The following SAMD8 variants were observed in gnomAD, a reference collection of about 807,000 sequenced individuals.
SAMD8 encodes the protein sphingomyelin synthase-related protein 1.
A neutral mutation model predicts 42.0 loss-of-function variants in SAMD8; 20 were observed. The ratio of observed to expected loss-of-function variants is 0.48; its 90% confidence interval spans 0.34 to 0.69. The LOEUF (loss-of-function observed/expected upper bound fraction) is 0.69, where lower values mean the gene tolerates loss of function less well. Among genes scored for constraint, SAMD8 ranks in the 30% least tolerant of loss-of-function variants. The pLI is 0.01. For synonymous variants in SAMD8, 162 were observed against 173.0 expected, an observed-to-expected ratio of 0.94 and a Z score of 0.50; for missense variants, 328 against 511.6, an observed-to-expected ratio of 0.64 and a Z score of 3.46.
rs144573540 is a variant in SAMD8, at chr10:75,167,580, C to T, written c.675-961C>T. On this transcript the variant is annotated intron_variant, in intron 3 of 5. Coordinates refer to ENST00000542569, the MANE Select transcript of SAMD8 (RefSeq NM_001174156.2). The stretch of plus-strand genomic sequence containing the variant: ...CTGGAATCACAGGTGTTTAACTTTA[C>T]CTCCTTTTTTTGTTTTTTATTTTTA... 3.2e-3 allele frequency among the ~76,000 whole-genome samples: 486 copies of T among 152,082 alleles called. 2 individuals are homozygous for T. Among genetic ancestry groups the T allele is most frequent in the Non-Finnish European group, 6.0e-3 (408 of 67,964 alleles).
chr10:75,176,365 T>A lies in SAMD8; in HGVS notation c.944-23T>A. 1.3e-6 allele frequency: 2 copies of A among 1,571,598 alleles called. No homozygotes were observed. Among genetic ancestry groups the A allele is most frequent in the Non-Finnish European group, 1.7e-6 (2 of 1,159,768 alleles). On this transcript the variant is annotated intron_variant, in intron 5 of 5. Coordinates refer to ENST00000542569, the MANE Select transcript of SAMD8 (RefSeq NM_001174156.2). The surrounding 1 kb of genome is among the most constrained non-coding windows in gnomAD (Gnocchi z 4.3). ...CATTGGAAGGAATGTAGCTTTAAAA[T>A]GATCTTTCTGTCCTTTTCCTAGATA...
upstream of SAMD8, among the ~76,000 whole-genome samples, chr10:75,107,060 G>T (rs1214081265): frequency 2.0e-5 from 3 of 152,144 alleles, no homozygotes; most frequent in Non-Finnish European, 4.4e-5. Context: ...TGGGGGCCGG[G>T]TGCGGTGGCT....
intron 2 of SAMD8, among the ~76,000 whole-genome samples, chr10:75,164,101 C>T (rs1238173089): frequency 1.3e-5 from 2 of 152,134 alleles, no homozygotes; most frequent in Admixed American, 6.6e-5. Flanking sequence ...CTTGTAGTCC[C>T]GGCCACTTAG....
At chr10:75,141,617 C>T (rs1564684077) in intron 1 of SAMD8, among the ~76,000 whole-genome samples, 1 of 150,698 alleles carries the variant, frequency 6.6e-6, no homozygotes, top group Non-Finnish European at 1.5e-5. Context: ...TCTCCGCTCA[C>T]TGCAAGCTCC....
At chr10:75,148,061 C>T (rs566947331) in intron 1 of SAMD8, among the ~76,000 whole-genome samples, 84 of 152,196 alleles carry the variant, frequency 5.5e-4, no homozygotes, top group South Asian at 1.0e-3. Flanking sequence ...GACAGGGAAA[C>T]TATGTGGGTC....
At chr10:75,142,867 T>C (rs1406899940) in intron 1 of SAMD8, among the ~76,000 whole-genome samples, 1 of 152,156 alleles carries the variant, frequency 6.6e-6, no homozygotes, top group Non-Finnish European at 1.5e-5. Context: ...AATATCCTTC[T>C]ATCCTGAAGG....
At chr10:75,104,319 C>G (rs1848361887) in intron 1 of SAMD8, among the ~76,000 whole-genome samples, 1 of 152,172 alleles carries the variant, frequency 6.6e-6, no homozygotes, top group African/African-American at 2.4e-5. Flanking sequence ...CCTTATCTTT[C>G]AGAGTACCTG....
At chr10:75,146,590 C>CT (rs980043382) in intron 1 of SAMD8, among the ~76,000 whole-genome samples, 55 of 151,976 alleles carry the variant, frequency 3.6e-4, no homozygotes, top group African/African-American at 1.3e-3. Flanking sequence ...CTGGCTGAAA[C>CT]TTTTTTTTCC....
chr10:75,142,510 C>T (rs1046364669), intron 1 of SAMD8, among the ~76,000 whole-genome samples: 4 of 152,138 alleles, frequency 2.6e-5, no homozygotes, highest in African/African-American at 9.7e-5. Context: ...GATCTTGGCT[C>T]ACTGCAACCT....
intron 1 of SAMD8, among the ~76,000 whole-genome samples, chr10:75,149,691 A>G (rs1840235912): frequency 6.6e-6 from 1 of 152,210 alleles, no homozygotes; most frequent in Non-Finnish European, 1.5e-5. Flanking sequence ...TTCCATGAAC[A>G]TGGAGATTTC....
At chr10:75,116,602 G>T (rs1848886711) in intron 1 of SAMD8, among the ~76,000 whole-genome samples, 1 of 152,120 alleles carries the variant, frequency 6.6e-6, no homozygotes, top group African/African-American at 2.4e-5. Flanking sequence ...GGAAATACTT[G>T]CAAATCTGTT....
chr10:75,125,034 G>A (rs542104765), intron 1 of SAMD8, among the ~76,000 whole-genome samples: 4 of 151,988 alleles, frequency 2.6e-5, no homozygotes, highest in East Asian at 3.9e-4. Context: ...TGATCCTCCC[G>A]CCTCCAGCTA....
At chr10:75,148,338 A>G (rs946592241) in intron 1 of SAMD8, among the ~76,000 whole-genome samples, 1 of 126,904 alleles carries the variant, frequency 7.9e-6, no homozygotes, top group Non-Finnish European at 1.6e-5. Flanking sequence ...AATGCAGAGC[A>G]ATACCAGCTT....
In SAMD8 at chr10:75,129,282, C is replaced by G. The variant is rs567694098; in HGVS notation, c.-16+17560C>G. Among the ~76,000 whole-genome samples, 6 of 152,146 alleles carry G rather than the reference C, an allele frequency of 3.9e-5. No homozygotes were observed. In the East Asian group the frequency reaches 1.2e-3, roughly 29 times the overall value. On this transcript the variant is annotated intron_variant, in intron 1 of 5. Coordinates refer to ENST00000542569, the MANE Select transcript of SAMD8 (RefSeq NM_001174156.2). Reference sequence around the variant, plus strand: ...TTTGAGATGGAGTCTTGCTCTGTCACCAGGCTGGAGTGCAGTGGCATGATC... The same window carrying G: ...TTTGAGATGGAGTCTTGCTCTGTCAGCAGGCTGGAGTGCAGTGGCATGATC...
chr10:75,164,970 C>T (rs999940893), intron 3 of SAMD8, among the ~76,000 whole-genome samples: 3 of 152,184 alleles, frequency 2.0e-5, no homozygotes, highest in African/African-American at 4.8e-5. Context: ...CAGAGATGCC[C>T]TATGGCTGAT....
Position 75,145,243 on chromosome 10 carries a change from A to G in SAMD8, c.-15-5271A>G, listed in dbSNP as rs145550029. ...TACAGGCGTGAGCCACCACCTGGCC[A>G]TTATGTGTCTATTTCTTCATTTAAC... is the stretch of plus-strand genomic sequence containing the variant. On this transcript the variant is annotated intron_variant, in intron 1 of 5. Transcript: ENST00000542569. Among the ~76,000 whole-genome samples, 512 of 152,262 alleles carry G rather than the reference A, an allele frequency of 3.4e-3. 2 individuals are homozygous for G. Among genetic ancestry groups the G allele is most frequent in the African/African-American group, 0.011 (474 of 41,540 alleles).
intron 1 of SAMD8, among the ~76,000 whole-genome samples, chr10:75,142,711 A>G (rs1408495087): frequency 6.6e-6 from 1 of 152,030 alleles, no homozygotes; most frequent in Non-Finnish European, 1.5e-5. Flanking sequence ...CTGGGATTAC[A>G]GGCATGAGCC....
intron 1 of SAMD8, among the ~76,000 whole-genome samples, chr10:75,130,753 C>A (rs1042911387): frequency 1.3e-5 from 2 of 151,738 alleles, no homozygotes; most frequent in South Asian, 4.2e-4. Context: ...TGTTTGAATC[C>A]CAAATTTGAA....
chr10:75,168,219 T>C (rs1840739003), intron 3 of SAMD8: 1 of 154,808 alleles, frequency 6.5e-6, no homozygotes, highest in African/African-American at 2.4e-5. Flanking sequence ...TTTAGGTCTG[T>C]ATTGTTCATT....
Sources: gnomAD v4.1 joint callset for allele counts (sites outside exome capture counted in the v4.1 genomes callset) on GRCh38, gnomAD v4.1.1 for gene constraint, Gnocchi (gnomAD v3.1) non-coding constraint, MANE v1.5 for transcripts, NCBI Gene and HGNC (gene_info 2026-07-23, HGNC 2026-07-21) for gene names.